IQCM: variants seen among roughly 807,000 people sequenced by gnomAD.
IQCM encodes the protein IQ motif containing M.
Under a neutral mutation model 57.6 loss-of-function variants are expected in IQCM, and 45 were observed. The observed-to-expected ratio is 0.78, with a 90% CI of 0.62 to 1.00. IQCM has a LOEUF of 1.00. Ranked by LOEUF, IQCM falls within the 50% of genes least tolerant of loss-of-function variation. IQCM has a pLI of 0.00. For synonymous variants in IQCM, 148 were observed against 158.9 expected (o/e 0.93, Z 0.51); for missense variants, 468 against 511.6 (o/e 0.91, Z 0.82).
chr4:149,606,485 C>T (rs1754793921), intron 8 of IQCM, among the ~76,000 whole-genome samples: 1 of 152,060 alleles, frequency 6.6e-6, no homozygotes, highest in African/African-American at 2.4e-5. Flanking sequence ...ATACCTAATT[C>T]GTCAATGCAC....
intron 9 of IQCM, among the ~76,000 whole-genome samples, chr4:149,585,293 C>T (rs1752553679): frequency 6.6e-6 from 1 of 151,608 alleles, no homozygotes; most frequent in Non-Finnish European, 1.5e-5. Flanking sequence ...AAGGAAACCT[C>T]TAGCCGAAAA....
chr4:149,807,770 A>G (rs1325721967), intron 2 of IQCM, among the ~76,000 whole-genome samples: 1 of 152,102 alleles, frequency 6.6e-6, no homozygotes, highest in Non-Finnish European at 1.5e-5. Flanking sequence ...AGTGGTCAAA[A>G]GACCTGAATA....
chr4:149,470,513 C>G (rs1739401430), intron 12 of IQCM, among the ~76,000 whole-genome samples: 2 of 152,096 alleles, frequency 1.3e-5, no homozygotes, highest in East Asian at 3.9e-4. Flanking sequence ...GACTCCCACA[C>G]AATAATAATG....
At chr4:149,521,618 A>C (rs1313348996) in intron 12 of IQCM, among the ~76,000 whole-genome samples, 6 of 152,248 alleles carry the variant, frequency 3.9e-5, no homozygotes, top group Admixed American at 1.3e-4. Flanking sequence ...AATTTGACCA[A>C]GCTTTCTCCA....
At chr4:149,450,539 A>G (rs1736997406) in intron 12 of IQCM, among the ~76,000 whole-genome samples, 1 of 151,822 alleles carries the variant, frequency 6.6e-6, no homozygotes, top group Admixed American at 6.6e-5. Flanking sequence ...CCAATTAAAA[A>G]CTGGTCAAAA....
chr4:149,411,940 G>A (rs1449769927), intron 13 of IQCM, among the ~76,000 whole-genome samples: 1 of 152,052 alleles, frequency 6.6e-6, no homozygotes, highest in African/African-American at 2.4e-5. Flanking sequence ...TAAGATATGT[G>A]GGTTTTTAAA....
intron 12 of IQCM, among the ~76,000 whole-genome samples, chr4:149,458,107 T>G (rs1231328797): frequency 6.6e-6 from 1 of 152,024 alleles, no homozygotes; most frequent in Admixed American, 6.6e-5. Flanking sequence ...AGGTTAAGAT[T>G]TATAAAACCC....
chr4:149,594,079 T>G (rs901460882), intron 8 of IQCM, among the ~76,000 whole-genome samples: 5 of 152,156 alleles, frequency 3.3e-5, no homozygotes, highest in African/African-American at 9.7e-5. Flanking sequence ...TGTGAATCCA[T>G]CCGGTCCCGG....
chr4:149,357,102 T>A (rs1729056674), intron 13 of IQCM, among the ~76,000 whole-genome samples: 1 of 152,176 alleles, frequency 6.6e-6, no homozygotes, highest in Admixed American at 6.5e-5. Flanking sequence ...TTTTGTATCC[T>A]GAGACTTTGC....
intron 5 of IQCM, among the ~76,000 whole-genome samples, chr4:149,703,892 T>TAGAA (rs1763955618): frequency 6.6e-6 from 1 of 151,878 alleles, no homozygotes; most frequent in African/African-American, 2.4e-5. Context: ...TAACGTTCTC[T>TAGAA]AGAACCCTTT....
At chr4:149,562,411 C>A (rs1579500195) in intron 10 of IQCM, among the ~76,000 whole-genome samples, 2 of 151,804 alleles carry the variant, frequency 1.3e-5, no homozygotes, top group East Asian at 3.9e-4. Context: ...TAAGAGACAT[C>A]CAGGTTTATG....
Position 149,548,512 on chromosome 4 carries a change from A to G in IQCM, c.1171T>C (p.Cys391Arg). Residue 391 changes from cysteine (C) to arginine (R), a missense_variant, in exon 12 of 14, where the codon TGT becomes CGT. Physicochemically the swap from Cys to Arg is radical, Grantham distance 180. Transcript: ENST00000636793. ...TGTTTCTGAGTTGGGAAATGACCAC[A>G]GTCACTGAAGAAATTGGGGAGCTCA... ...RNELPNFFSD[C>R]GHFPTQKQVD... 5 of 1,231,842 alleles carry G rather than the reference A, an allele frequency of 4.1e-6. No individual in the cohort carries two copies. Among genetic ancestry groups the G allele is most frequent in the Non-Finnish European group, 5.1e-6 (5 of 987,698 alleles). 76.3% of individuals were successfully genotyped at this position (1,231,842 alleles called of 1,614,324 possible).
chr4:149,784,759 T>C lies in IQCM; in HGVS notation c.-49+30552A>G, dbSNP rs574127145. Among the ~76,000 whole-genome samples, 2 of 152,314 alleles carry C rather than the reference T, an allele frequency of 1.3e-5. 1 individual carries two copies. The highest frequency in any genetic ancestry group is 4.1e-4 in the South Asian group (2 of 4,828). ...CCCCAACCAATATGCATTGCGAATGTCTGAATGCTGTATTGTCTCATTAGC... is the reference window on the plus strand; with the variant it reads ...CCCCAACCAATATGCATTGCGAATGCCTGAATGCTGTATTGTCTCATTAGC... On this transcript the variant is annotated intron_variant, in intron 2 of 13. Transcript: ENST00000636793.
intron 5 of IQCM, among the ~76,000 whole-genome samples, chr4:149,703,422 T>A (rs1056642136): frequency 7.2e-5 from 11 of 151,862 alleles, no homozygotes; most frequent in African/African-American, 2.7e-4. Flanking sequence ...CTAGGAAGAA[T>A]GGATAAAAAA....
At chr4:149,792,561 A>T (rs1055007321) in intron 2 of IQCM, among the ~76,000 whole-genome samples, 1 of 152,146 alleles carries the variant, frequency 6.6e-6, no homozygotes, top group Non-Finnish European at 1.5e-5. Flanking sequence ...TCTATTTTTT[A>T]AAATATTTTC....
At chr4:149,451,812 C>A (rs1014411470) in intron 12 of IQCM, among the ~76,000 whole-genome samples, 1 of 151,656 alleles carries the variant, frequency 6.6e-6, no homozygotes, top group African/African-American at 2.4e-5. Flanking sequence ...TGTATGTTTT[C>A]CTCTCAAATT....
intron 12 of IQCM, among the ~76,000 whole-genome samples, chr4:149,491,711 T>C (rs1276735858): frequency 6.6e-6 from 1 of 152,148 alleles, no homozygotes; most frequent in Non-Finnish European, 1.5e-5. Context: ...AATGCTGTAA[T>C]GAACATGGGG....
At chr4:149,709,946 T>G (rs1764438794) in intron 5 of IQCM, among the ~76,000 whole-genome samples, 1 of 152,118 alleles carries the variant, frequency 6.6e-6, no homozygotes, top group South Asian at 2.1e-4. Flanking sequence ...AAAGTAAAGC[T>G]TGCAGGCCAA....
intron 2 of IQCM, among the ~76,000 whole-genome samples, chr4:149,755,856 G>A (rs1768910239): frequency 6.6e-6 from 1 of 152,050 alleles, no homozygotes; most frequent in African/African-American, 2.4e-5. Context: ...TTGTAAGCCT[G>A]GTGCCTAAAT....
Sources: gnomAD v4.1 joint callset for allele counts (sites outside exome capture counted in the v4.1 genomes callset) on GRCh38, gnomAD v4.1.1 for gene constraint, MANE v1.5 for transcripts, NCBI Gene and HGNC (gene_info 2026-07-23, HGNC 2026-07-21) for gene names.